Variants in COL5A2 observed in about 807,000 individuals in gnomAD.
COL5A2 encodes collagen alpha-2(V) chain.
COL5A2 carries 23 observed loss-of-function variants against 208.2 expected under a neutral mutation model. That is an observed-to-expected ratio of 0.11 (90% confidence interval 0.08 to 0.16). COL5A2 has a LOEUF of 0.16. COL5A2 is among the 10% of genes least tolerant of loss of function. The pLI, the probability that COL5A2 is intolerant of heterozygous loss-of-function variation, is 1.00. For missense variants in COL5A2, 1,590 were observed against 1,956.4 expected, an observed-to-expected ratio of 0.81 and a Z score of 3.53; for synonymous variants, 625 against 628.5, an observed-to-expected ratio of 0.99 and a Z score of 0.08.
the COL5A2 span, among the ~76,000 whole-genome samples, chr2:189,421,104 A>C: frequency 6.6e-6 from 1 of 152,194 alleles, no homozygotes; most frequent in Non-Finnish European, 1.5e-5. Flanking sequence ...TTAAAAGCTA[A>C]ATTTGGCAAT....
intron 1 of COL5A2, among the ~76,000 whole-genome samples, chr2:189,156,848 C>G (rs1688257694): frequency 6.6e-6 from 1 of 151,936 alleles, no homozygotes; most frequent in Non-Finnish European, 1.5e-5. Context: ...ATATAATAAG[C>G]ATATATAGTC....
rs768849298 is a variant in COL5A2, at chr2:189,068,207, C to A, written c.1302+19G>T. ...ATCATGCCCATTTGAGCTTCACATG[C>A]CATAAATGCAGTACTCACCGTTGGG... On this transcript the variant is annotated intron_variant, in intron 20 of 53. Transcript: ENST00000374866. 6.2e-7 allele frequency: 1 copy of A among 1,613,016 alleles called. No homozygotes were observed. Among genetic ancestry groups the A allele is most frequent in the South Asian group, 1.1e-5 (1 of 91,054 alleles).
At chr2:189,432,218 T>A in the COL5A2 span, among the ~76,000 whole-genome samples, 1 of 152,034 alleles carries the variant, frequency 6.6e-6, no homozygotes, top group Non-Finnish European at 1.5e-5. Flanking sequence ...TACCAGCCAC[T>A]GCAAAAACAT....
chr2:189,066,590 T>A, intron 22 of COL5A2, 93 bp from the exon 23 acceptor site: 1 of 1,398,220 alleles, frequency 7.2e-7, no homozygotes, highest in Non-Finnish European at 1.0e-6. Context: ...TCACAAATTT[T>A]AAAGTATATG....
At chr2:189,164,162 C>A (rs1328977537) in intron 1 of COL5A2, among the ~76,000 whole-genome samples, 1 of 152,150 alleles carries the variant, frequency 6.6e-6, no homozygotes, top group Non-Finnish European at 1.5e-5. Flanking sequence ...TCTCAGTCAC[C>A]TTCTGACCCA....
At chr2:189,303,857 G>A in the COL5A2 span, among the ~76,000 whole-genome samples, 1 of 152,062 alleles carries the variant, frequency 6.6e-6, no homozygotes, top group Non-Finnish European at 1.5e-5. Context: ...GAGGCACCCC[G>A]AGAGTCTCTG....
At chr2:189,361,544 G>GA in the COL5A2 span, among the ~76,000 whole-genome samples, 1 of 149,578 alleles carries the variant, frequency 6.7e-6, no homozygotes, top group Non-Finnish European at 1.5e-5. Context: ...GTTGGGTCTT[G>GA]TTTTTTTTTA....
At chr2:189,369,457 CTTTA>C in the COL5A2 span, among the ~76,000 whole-genome samples, 1 of 151,960 alleles carries the variant, frequency 6.6e-6, no homozygotes, top group Admixed American at 6.6e-5. Context: ...TTCATTTTTG[CTTTA>C]TTTTTCAATC....
the COL5A2 span, among the ~76,000 whole-genome samples, chr2:189,279,868 GC>G: frequency 6.6e-6 from 1 of 152,078 alleles, no homozygotes; most frequent in Non-Finnish European, 1.5e-5. Context: ...GAATATCTGT[GC>G]CCCCTCAAAA....
At chr2:189,344,617 T>C in the COL5A2 span, among the ~76,000 whole-genome samples, 4 of 152,184 alleles carry the variant, frequency 2.6e-5, no homozygotes, top group African/African-American at 9.6e-5. Context: ...CCTCTCTCCA[T>C]CGGTTGGGCT....
At chr2:189,059,552 C>T (rs182589948) in intron 31 of COL5A2, among the ~76,000 whole-genome samples, 114 of 124,162 alleles carry the variant, frequency 9.2e-4, no homozygotes, top group African/African-American at 3.0e-3. Context: ...TCATATTACT[C>T]CTTCCTTAAA....
the COL5A2 span, among the ~76,000 whole-genome samples, chr2:189,250,701 T>G: frequency 2.0e-5 from 3 of 152,114 alleles, no homozygotes; most frequent in African/African-American, 7.2e-5. Context: ...ACTCTTTAAA[T>G]AACCTTGATT....
chr2:189,346,355 C>T, the COL5A2 span, among the ~76,000 whole-genome samples: 3 of 151,994 alleles, frequency 2.0e-5, no homozygotes, highest in Non-Finnish European at 4.4e-5. Flanking sequence ...CTAACTGGAA[C>T]TCCAGGATAA....
chr2:189,167,406 A>G (rs1171038056), intron 1 of COL5A2, among the ~76,000 whole-genome samples: 1 of 152,204 alleles, frequency 6.6e-6, no homozygotes, highest in Admixed American at 6.5e-5. Flanking sequence ...CATCCTTTAC[A>G]TAACAGAATA....
chr2:189,414,000 C>A, the COL5A2 span, among the ~76,000 whole-genome samples: 1 of 151,984 alleles, frequency 6.6e-6, no homozygotes, highest in Non-Finnish European at 1.5e-5. Context: ...CCATGTTGGC[C>A]AGGCTGGTCT....
upstream of COL5A2, among the ~76,000 whole-genome samples, chr2:189,225,744 C>T (rs532505163): frequency 6.6e-6 from 1 of 152,042 alleles, no homozygotes; most frequent in African/African-American, 2.4e-5. Context: ...TATATATGTT[C>T]TAAGTTGAAC....
the COL5A2 span, among the ~76,000 whole-genome samples, chr2:189,266,952 T>C: frequency 2.0e-5 from 3 of 151,512 alleles, no homozygotes; most frequent in Non-Finnish European, 4.4e-5. Flanking sequence ...ATATTTGTTA[T>C]ATTAATGAAA....
At chr2:189,353,219 G>A in the COL5A2 span, among the ~76,000 whole-genome samples, 2 of 152,136 alleles carry the variant, frequency 1.3e-5, no homozygotes, top group African/African-American at 4.8e-5. Context: ...AAGTCAGGTA[G>A]CGTGATGCCT....
At chr2:189,351,582 A>G in the COL5A2 span, among the ~76,000 whole-genome samples, 1 of 152,180 alleles carries the variant, frequency 6.6e-6, no homozygotes, top group Non-Finnish European at 1.5e-5. Context: ...ATACTTACAT[A>G]TATATTGTAA....
Sources: allele counts gnomAD v4.1 joint callset (sites outside exome capture counted in the v4.1 genomes callset), GRCh38; gene constraint gnomAD v4.1.1; transcripts MANE v1.5; gene names NCBI Gene and HGNC (gene_info 2026-07-23, HGNC 2026-07-21).